DIP2C: variants seen among roughly 807,000 people sequenced by gnomAD.
DIP2C encodes the protein DIP2 acetate--CoA ligase C (putative).
Under a neutral mutation model 192.4 loss-of-function variants are expected in DIP2C, and 33 were observed. The observed-to-expected ratio is 0.17, with a 90% CI of 0.13 to 0.23. The LOEUF is 0.23. Among genes scored for constraint, DIP2C ranks in the 10% least tolerant of loss-of-function variants. The probability of loss-of-function intolerance (pLI) is 1.00; values close to 1 mark genes in which losing one functional copy is unlikely to be tolerated. For synonymous variants in DIP2C, 979 were observed against 864.1 expected, an observed-to-expected ratio of 1.13 and a Z score of -2.33; for missense variants, 1,537 against 2,110.1, an observed-to-expected ratio of 0.73 and a Z score of 5.32.
intron 1 of DIP2C, among the ~76,000 whole-genome samples, chr10:607,846 G>A (rs969899868): frequency 3.3e-5 from 5 of 151,944 alleles, no homozygotes; most frequent in African/African-American, 9.7e-5. Context: ...CAATCTACAG[G>A]TTCAAACAAA....
chr10:331,233 A>G (rs928729459), intron 29 of DIP2C, among the ~76,000 whole-genome samples: 2 of 152,226 alleles, frequency 1.3e-5, no homozygotes, highest in Non-Finnish European at 2.9e-5. Context: ...AAAAATTTTC[A>G]TAATTGTTTA....
intron 3 of DIP2C, among the ~76,000 whole-genome samples, chr10:457,650 G>A (rs61837255): frequency 1.7e-4 from 26 of 152,254 alleles, no homozygotes; most frequent in Non-Finnish European, 3.7e-4. Context: ...CCAGCTCCTA[G>A]GTTGAAGTGA....
intron 1 of DIP2C, among the ~76,000 whole-genome samples, chr10:605,648 G>T (rs1852406740): frequency 6.6e-6 from 1 of 152,122 alleles, no homozygotes; most frequent in Admixed American, 6.5e-5. Context: ...ACGCCTGCCT[G>T]AACATTTCAT....
At chr10:570,668 C>T (rs914969500) in intron 1 of DIP2C, among the ~76,000 whole-genome samples, 2 of 152,220 alleles carry the variant, frequency 1.3e-5, no homozygotes, top group African/African-American at 4.8e-5. Flanking sequence ...CACAAATTCT[C>T]ACGTATTCCT....
Position 311,430 on chromosome 10 carries a change from C to T in DIP2C, c.3925-1338G>A, listed in dbSNP as rs553745250. The stretch of plus-strand genomic sequence containing the variant: ...CATGATCACAGGGCCTGCAGACCCC[C>T]GGCCAATCTCTGCACTCAACTGCTA... On this transcript the variant is annotated intron_variant, in intron 31 of 36. Coordinates refer to ENST00000280886, the MANE Select transcript of DIP2C (RefSeq NM_014974.3). 1,149 of 1,016,234 alleles carry T rather than the reference C, an allele frequency of 1.1e-3. 1 individual carries two copies. The highest frequency in any genetic ancestry group is 1.4e-3 in the Non-Finnish European group (1,095 of 790,636). The allele number at this position is 1,016,234 out of a possible 1,614,324, so 63.0% of individuals were successfully genotyped here. A position where few individuals can be genotyped will look rare whatever the true frequency, so the allele number is the denominator to read the frequency against.
chr10:292,719 G>T (rs1177195388), intron 32 of DIP2C, among the ~76,000 whole-genome samples: 1 of 152,234 alleles, frequency 6.6e-6, no homozygotes, highest in African/African-American at 2.4e-5. Flanking sequence ...CAGGTGGGAA[G>T]GTGCTGCTGA....
intron 2 of DIP2C, among the ~76,000 whole-genome samples, chr10:473,322 C>G (rs887942426): frequency 6.6e-6 from 1 of 152,210 alleles, no homozygotes; most frequent in African/African-American, 2.4e-5. Flanking sequence ...CGAAGAACTA[C>G]TCTGACACCA....
intron 8 of DIP2C, among the ~76,000 whole-genome samples, chr10:411,045 C>T (rs969087490): frequency 1.1e-4 from 16 of 152,098 alleles, no homozygotes; most frequent in African/African-American, 3.9e-4. Flanking sequence ...AGGGCTGAAC[C>T]GGAGCAAGCC....
intron 28 of DIP2C, among the ~76,000 whole-genome samples, chr10:343,983 G>A (rs1287135524): frequency 6.6e-6 from 1 of 152,214 alleles, no homozygotes; most frequent in African/African-American, 2.4e-5. Flanking sequence ...CACAAAGCCA[G>A]CGGGGCCTTT....
At chr10:388,504 G>A (rs1963169449) in intron 13 of DIP2C, among the ~76,000 whole-genome samples, 1 of 152,166 alleles carries the variant, frequency 6.6e-6, no homozygotes, top group African/African-American at 2.4e-5. Context: ...TAGACAGGAG[G>A]CTTTCACAAT....
chr10:598,761 C>T (rs1851873121), intron 1 of DIP2C, among the ~76,000 whole-genome samples: 1 of 152,218 alleles, frequency 6.6e-6, no homozygotes, highest in South Asian at 2.1e-4. Context: ...GAATCTTTGG[C>T]ATCTGAATGT....
chr10:514,137 G>A (rs944661559), intron 1 of DIP2C, among the ~76,000 whole-genome samples: 2 of 152,216 alleles, frequency 1.3e-5, no homozygotes, highest in Non-Finnish European at 2.9e-5. Context: ...GCTTCCTGGT[G>A]CATTCGCCCT....
At chr10:665,096 CAAAA>C (rs1466256492) in intron 1 of DIP2C, 1 of 152,000 alleles carries the variant, frequency 6.6e-6, no homozygotes, top group Non-Finnish European at 1.5e-5. Context: ...AAAAACAAAA[CAAAA>C]CAAAACAAAA....
chr10:590,746 G>A (rs1411969068), intron 1 of DIP2C, among the ~76,000 whole-genome samples: 1 of 152,134 alleles, frequency 6.6e-6, no homozygotes, highest in Admixed American at 6.5e-5. Context: ...AAAAATAGAA[G>A]GAACCCAGAA....
At chr10:314,573 G>A (rs1395163791) in intron 31 of DIP2C, among the ~76,000 whole-genome samples, 18 of 152,198 alleles carry the variant, frequency 1.2e-4, no homozygotes, top group Admixed American at 1.0e-3. Context: ...CCTTCCCATG[G>A]TCTGTGGCCA....
At chr10:370,914 A>T (rs1201507931) in intron 17 of DIP2C, among the ~76,000 whole-genome samples, 3 of 152,248 alleles carry the variant, frequency 2.0e-5, no homozygotes. Context: ...TGAAAAAAGC[A>T]TGAAAGACTC....
chr10:392,878 TCACA>T (rs1963607118), intron 10 of DIP2C, among the ~76,000 whole-genome samples: 1 of 98,622 alleles, frequency 1.0e-5, no homozygotes, highest in Non-Finnish European at 2.0e-5. Flanking sequence ...CACTCAACAC[TCACA>T]CACACGTGCC....
At chr10:640,570 G>A (rs1226011974) in intron 1 of DIP2C, among the ~76,000 whole-genome samples, 1 of 152,166 alleles carries the variant, frequency 6.6e-6, no homozygotes, top group Non-Finnish European at 1.5e-5. Context: ...ACCCCGGGTA[G>A]ACGCGACGGG....
intron 1 of DIP2C, among the ~76,000 whole-genome samples, chr10:609,878 C>T (rs1309088155): frequency 6.6e-6 from 1 of 152,126 alleles, no homozygotes; most frequent in South Asian, 2.1e-4. Context: ...GAAACCCAAG[C>T]GTTCACTCAA....
Sources: allele counts gnomAD v4.1 joint callset (sites outside exome capture counted in the v4.1 genomes callset), GRCh38; gene constraint gnomAD v4.1.1; transcripts MANE v1.5; gene names NCBI Gene and HGNC (gene_info 2026-07-23, HGNC 2026-07-21).